The following FLT1 variants were observed in gnomAD, a reference collection of about 807,000 sequenced individuals.
FLT1 encodes fms related receptor tyrosine kinase 1.
FLT1 carries 49 observed loss-of-function variants against 156.3 expected under a neutral mutation model. The ratio of observed to expected loss-of-function variants is 0.31; its 90% confidence interval spans 0.25 to 0.40. The LOEUF (loss-of-function observed/expected upper bound fraction) is 0.40. Among genes scored for constraint, FLT1 ranks in the 10% least tolerant of loss-of-function variants. FLT1 has a pLI of 1.00. For synonymous variants in FLT1, 594 were observed against 583.8 expected (o/e 1.02, Z -0.25); for missense variants, 1,322 against 1,637.2 (o/e 0.81, Z 3.32).
intron 1 of FLT1, among the ~76,000 whole-genome samples, chr13:28,484,887 G>A (rs1422850299): frequency 6.1e-5 from 9 of 147,098 alleles, no homozygotes; most frequent in Admixed American, 4.2e-4. Flanking sequence ...TAAGAGGACC[G>A]TACCTCTCGG....
At chr13:28,408,379 G>A (rs1468009427) in intron 10 of FLT1, among the ~76,000 whole-genome samples, 1 of 152,144 alleles carries the variant, frequency 6.6e-6, no homozygotes, top group Non-Finnish European at 1.5e-5. Flanking sequence ...CAGACTTATT[G>A]CCAGCTCTTC....
chr13:28,342,354 C>T (rs1474752137), intron 16 of FLT1, among the ~76,000 whole-genome samples: 1 of 152,190 alleles, frequency 6.6e-6, no homozygotes, highest in Non-Finnish European at 1.5e-5. Flanking sequence ...TTCTCCCCTT[C>T]TCCTCCTTTG....
chr13:28,317,419 C>T (rs972239458), intron 25 of FLT1, 79 bp downstream of exon 25: 2 of 911,434 alleles, frequency 2.2e-6, no homozygotes, highest in Non-Finnish European at 3.7e-6. Flanking sequence ...CTCTAAGAAT[C>T]CATAAAACAT....
intron 10 of FLT1, among the ~76,000 whole-genome samples, chr13:28,417,404 C>A (rs1414867838): frequency 2.0e-5 from 3 of 152,110 alleles, no homozygotes; most frequent in Admixed American, 2.0e-4. Flanking sequence ...ATCCCACCTC[C>A]TCCTTGGTGC....
At chr13:28,344,445 TGTG>T in intron 16 of FLT1, among the ~76,000 whole-genome samples, 1 of 152,262 alleles carries the variant, frequency 6.6e-6, no homozygotes, top group East Asian at 1.9e-4. Flanking sequence ...GTTTGACATT[TGTG>T]TGGCTGATTA....
chr13:28,337,148 TC>T, intron 17 of FLT1, among the ~76,000 whole-genome samples: 1 of 150,054 alleles, frequency 6.7e-6, no homozygotes, highest in Admixed American at 6.9e-5. Flanking sequence ...TAGTGAGGAA[TC>T]TTTTTTTTTT....
chr13:28,391,396 A>G (rs1440148096), intron 12 of FLT1, among the ~76,000 whole-genome samples: 2 of 152,212 alleles, frequency 1.3e-5, no homozygotes, highest in Admixed American at 6.5e-5. Flanking sequence ...AGACAAATGC[A>G]TACCTTATTG....
intron 3 of FLT1, among the ~76,000 whole-genome samples, chr13:28,454,433 C>T (rs2137594359): frequency 6.6e-6 from 1 of 152,278 alleles, no homozygotes; most frequent in South Asian, 2.1e-4. Context: ...AAATGTTTTG[C>T]ACATATGCAC....
intron 17 of FLT1, among the ~76,000 whole-genome samples, chr13:28,335,419 C>T (rs1160747974): frequency 6.6e-6 from 1 of 152,092 alleles, no homozygotes; most frequent in African/African-American, 2.4e-5. Flanking sequence ...CTCATTACTC[C>T]ACTCCCTTTC....
chr13:28,356,902 TCCAAATGTAAGCCACATGG>T (rs747168506), intron 15 of FLT1, among the ~76,000 whole-genome samples: 9 of 152,356 alleles, frequency 5.9e-5, no homozygotes, highest in Middle Eastern at 6.8e-3. Context: ...GAAACTGTTT[TCCAAATGTAAGCCACATGG>T]CCATAGCCAG....
At chr13:28,387,011 T>C in intron 13 of FLT1, 1 of 1,039,108 alleles carries the variant, frequency 9.6e-7, no homozygotes, top group Middle Eastern at 4.5e-4. Context: ...AGCTACAAAG[T>C]ATAGCATCAT....
intron 4 of FLT1, among the ~76,000 whole-genome samples, chr13:28,435,338 A>G (rs1877962526): frequency 6.6e-6 from 1 of 152,216 alleles, no homozygotes; most frequent in South Asian, 2.1e-4. Flanking sequence ...ACATTTAAAG[A>G]CTACAAGATA....
intron 15 of FLT1, among the ~76,000 whole-genome samples, chr13:28,351,103 A>G (rs549107770): frequency 2.0e-4 from 30 of 151,796 alleles, no homozygotes; most frequent in African/African-American, 6.3e-4. Flanking sequence ...ATTTAATACA[A>G]TTTGCCTTTT....
intron 1 of FLT1, among the ~76,000 whole-genome samples, chr13:28,481,982 C>A (rs1485104136): frequency 6.6e-6 from 1 of 152,128 alleles, no homozygotes; most frequent in African/African-American, 2.4e-5. Context: ...TGATGATAAT[C>A]CCTTGAGCAT....
chr13:28,355,507 C>G (rs557323199), intron 15 of FLT1, among the ~76,000 whole-genome samples: 2 of 152,278 alleles, frequency 1.3e-5, no homozygotes, highest in South Asian at 4.1e-4. Context: ...TAAGTACTGA[C>G]TAATGATTCC....
At chr13:28,413,379 A>G (rs922662225) in intron 10 of FLT1, among the ~76,000 whole-genome samples, 3 of 26,834 alleles carry the variant, frequency 1.1e-4, no homozygotes, top group South Asian at 1.4e-3. Context: ...TCCACCCCCC[A>G]AGCCAGACAC....
In FLT1 at chr13:28,427,206, T is replaced by C. The variant is rs1011553735; in HGVS notation, c.1389A>G (p.Thr463=). The C allele has an allele frequency of 6.2e-7, 1 of 1,613,936 alleles. No individual in the cohort carries two copies. The highest frequency in any genetic ancestry group is 1.7e-5 in the Admixed American group (1 of 59,998). Reference sequence around the variant, plus strand: ...TACAGGGGTGCCAGAACCACTTGATTGTAGGTTGAGGGATACCATATGCGG... The same window carrying C: ...TACAGGGGTGCCAGAACCACTTGATCGTAGGTTGAGGGATACCATATGCGG... ...TCTAYGIPQP[T]IKWFWHPCNH... Residue 463 remains threonine, a synonymous_variant, in exon 10 of 30, where the codon ACA becomes ACG. Coordinates refer to ENST00000282397, the MANE Select transcript of FLT1 (RefSeq NM_002019.4).
At chr13:28,316,446 C>T (rs1871208378) in intron 25 of FLT1, among the ~76,000 whole-genome samples, 1 of 152,186 alleles carries the variant, frequency 6.6e-6, no homozygotes, top group African/African-American at 2.4e-5. Context: ...AGCAGCTCCA[C>T]AAAAGTGCAA....
At chr13:28,389,193 A>G in intron 13 of FLT1, 1 of 1,090,344 alleles carries the variant, frequency 9.2e-7, no homozygotes, top group Non-Finnish European at 1.1e-6. Context: ...ATAACTTGCT[A>G]TCCAGGTGCT....
Sources: gnomAD v4.1 joint callset for allele counts (sites outside exome capture counted in the v4.1 genomes callset) on GRCh38, gnomAD v4.1.1 for gene constraint, MANE v1.5 for transcripts, NCBI Gene and HGNC (gene_info 2026-07-23, HGNC 2026-07-21) for gene names.